The following NCOA7 variants were observed in gnomAD, a reference collection of about 807,000 sequenced individuals.
NCOA7 encodes the protein 140 kDa estrogen receptor-associated protein.
A neutral mutation model predicts 104.3 loss-of-function variants in NCOA7; 45 were observed. The ratio of observed to expected loss-of-function variants is 0.43; its 90% CI spans 0.34 to 0.55. NCOA7 has a LOEUF of 0.55. Ranked by LOEUF, NCOA7 falls within the 20% of genes least tolerant of loss-of-function variation. The pLI, the probability that NCOA7 is intolerant of heterozygous loss-of-function variation, is 0.02. For missense variants in NCOA7, 1,041 were observed against 1,119.7 expected (o/e 0.93, Z 1.00); for synonymous variants, 398 against 402.3 (o/e 0.99, Z 0.13).
At chr6:125,856,241 TGTG>T (rs1004773469) in intron 3 of NCOA7, among the ~76,000 whole-genome samples, 94 of 152,066 alleles carry the variant, frequency 6.2e-4, no homozygotes, top group African/African-American at 2.2e-3. Flanking sequence ...GTAAATGAAA[TGTG>T]GTCTCATAGC....
chr6:125,897,888 AG>A (rs1785173183), intron 10 of NCOA7, among the ~76,000 whole-genome samples: 1 of 152,206 alleles, frequency 6.6e-6, no homozygotes, highest in South Asian at 2.1e-4. Flanking sequence ...CATTTTAGCC[AG>A]GCTGGTCTCA....
intron 3 of NCOA7, among the ~76,000 whole-genome samples, chr6:125,860,050 C>T (rs559980941): frequency 2.0e-5 from 3 of 152,138 alleles, no homozygotes; most frequent in Admixed American, 6.5e-5. Flanking sequence ...CAACACCTAG[C>T]GCAGCACCTG....
intron 3 of NCOA7, among the ~76,000 whole-genome samples, chr6:125,868,381 T>C (rs1327729749): frequency 2.0e-5 from 3 of 152,268 alleles, no homozygotes; most frequent in African/African-American, 7.2e-5. Flanking sequence ...ATAGCATTTG[T>C]TAAGCATGTG....
Position 125,785,241 on chromosome 6 carries a change from G to A in NCOA7, c.-141-896G>A, listed in dbSNP as rs1312091680. Among the ~76,000 whole-genome samples the A allele has an allele frequency of 4.6e-5, 7 of 152,182 alleles. No homozygotes were observed. The East Asian group carries it at 1.3e-3, about 29-fold the overall frequency. ...TAATCGCAGCTACTCGGGAAGCTAAGGCAGGAGAATTGCTCAAACCCAGGA... is the reference window on the plus strand; with the variant it reads ...TAATCGCAGCTACTCGGGAAGCTAAAGCAGGAGAATTGCTCAAACCCAGGA... On this transcript the variant is annotated intron_variant, in intron 1 of 16. Transcript: ENST00000368357.
intron 13 of NCOA7, among the ~76,000 whole-genome samples, chr6:125,924,589 A>C (rs1204273043): frequency 6.6e-6 from 1 of 152,242 alleles, no homozygotes; most frequent in East Asian, 1.9e-4. Flanking sequence ...GCTCTGCAGA[A>C]TCAGTCCCCA....
At chr6:125,912,097 G>C (rs1426394924) in intron 10 of NCOA7, among the ~76,000 whole-genome samples, 1 of 152,166 alleles carries the variant, frequency 6.6e-6, no homozygotes, top group Non-Finnish European at 1.5e-5. Flanking sequence ...AAAGCAAATC[G>C]AGGCTTTTCA....
chr6:125,789,312 C>T (rs952549273), upstream of NCOA7, among the ~76,000 whole-genome samples: 4 of 152,176 alleles, frequency 2.6e-5, no homozygotes, highest in Non-Finnish European at 1.5e-5. Context: ...GGCCTCACAC[C>T]CAACCTTCAA....
intron 2 of NCOA7, among the ~76,000 whole-genome samples, chr6:125,852,630 A>G (rs1384920367): frequency 2.6e-5 from 4 of 152,136 alleles, no homozygotes; most frequent in African/African-American, 9.7e-5. Flanking sequence ...GCATATAGCT[A>G]TTCAGTTTTT....
chr6:125,817,451 C>T (rs564145178), intron 2 of NCOA7, among the ~76,000 whole-genome samples: 23 of 152,194 alleles, frequency 1.5e-4, no homozygotes, highest in African/African-American at 5.5e-4. Context: ...TTATTTTTAT[C>T]TTAGCTATTC....
chr6:125,795,698 A>G (rs566462642), intron 1 of NCOA7, among the ~76,000 whole-genome samples: 7 of 152,222 alleles, frequency 4.6e-5, no homozygotes, highest in African/African-American at 1.4e-4. Flanking sequence ...GACCCTGTAA[A>G]ACATTTCCAT....
At position 125,930,770 on chromosome 6, in the gene NCOA7, T is replaced by A. The variant is rs1397797445; in HGVS notation, c.*1999T>A. On this transcript the variant is annotated 3_prime_UTR_variant, in exon 16 of 16. Transcript: ENST00000392477. ...AGTTCTCCTACTGAGGACTCTTGACTAACAGCATACTGGCAGTTTCACCTT... is the reference window on the plus strand; with the variant it reads ...AGTTCTCCTACTGAGGACTCTTGACAAACAGCATACTGGCAGTTTCACCTT... The A allele has an allele frequency of 6.6e-6, 1 of 152,304 alleles. No homozygotes were observed. The highest frequency in any genetic ancestry group is 1.5e-5 in the Non-Finnish European group (1 of 68,040). 9.4% of individuals were successfully genotyped at this position (152,304 alleles called of 1,614,324 possible).
chr6:125,826,315 A>G (rs1250733189), intron 2 of NCOA7, among the ~76,000 whole-genome samples: 1 of 151,052 alleles, frequency 6.6e-6, no homozygotes, highest in Non-Finnish European at 1.5e-5. Context: ...TGGGTGACAG[A>G]GCAAGACTCC....
Position 125,865,695 on chromosome 6 carries a change from T to G in NCOA7, c.272-9194T>G, listed in dbSNP as rs1236648232. On this transcript the variant is annotated intron_variant, in intron 3 of 15. Transcript: ENST00000392477. ...GTTTTTTAAAGACAGGGTCTCTCTC[T>G]CTCTGTTGTCCAGGCTGGAGTGTAG... Among the ~76,000 whole-genome samples, 8 of 136,882 alleles carry G rather than the reference T, an allele frequency of 5.8e-5. 2 individuals are homozygous for G. Among genetic ancestry groups the G allele is most frequent in the African/African-American group, 2.5e-4 (8 of 32,632 alleles). The allele number at this position is 136,882 out of a possible 152,430, so 89.8% of individuals were successfully genotyped here.
At chr6:125,861,702 G>T (rs1782062312) in intron 3 of NCOA7, among the ~76,000 whole-genome samples, 1 of 152,148 alleles carries the variant, frequency 6.6e-6, no homozygotes, top group Admixed American at 6.6e-5. Context: ...CAAACCTGAG[G>T]TGTGCCCCCA....
At chr6:125,919,879 G>C (rs1787421579) in intron 11 of NCOA7, among the ~76,000 whole-genome samples, 2 of 152,184 alleles carry the variant, frequency 1.3e-5, no homozygotes, top group African/African-American at 4.8e-5. Flanking sequence ...ACTACTGCCT[G>C]ACAACTTGCA....
Position 125,889,646 on chromosome 6 carries a change from A to G in NCOA7, c.1592A>G (p.Lys531Arg), listed in dbSNP as rs1247060202. Residue 531 changes from lysine (K) to arginine (R), a missense_variant, in exon 9 of 16, where the codon AAA becomes AGA. Around this residue, in one of 2 missense-constraint regions of NCOA7, gnomAD observed 914 missense variants for 942.7 expected, o/e 0.97. Transcript: ENST00000392477. ...ATTGAATATTACCTGACTAAGAACA[A>G]AGAAGGGCCACAGGTATCTGAAAAT... is the stretch of plus-strand genomic sequence containing the variant. The part of the protein sequence containing the change: ...KLIEYYLTKN[K>R]EGPQVSENLQ... The G allele has an allele frequency of 3.1e-6, 5 of 1,613,920 alleles. No homozygotes were observed. Among genetic ancestry groups the G allele is most frequent in the Middle Eastern group, 1.6e-4 (1 of 6,080 alleles).
At chr6:125,912,802 A>T (rs1042687481) in intron 10 of NCOA7, among the ~76,000 whole-genome samples, 1 of 152,196 alleles carries the variant, frequency 6.6e-6, no homozygotes, top group Non-Finnish European at 1.5e-5. Context: ...TTTTCCCAAC[A>T]AATAATAATA....
intron 3 of NCOA7, among the ~76,000 whole-genome samples, chr6:125,869,979 A>T (rs576136451): frequency 6.6e-6 from 1 of 152,370 alleles, no homozygotes; most frequent in African/African-American, 2.4e-5. Context: ...AAACTAGTTC[A>T]TCATGCCATT....
rs746548680 is a variant in NCOA7 at position 125,855,323 on chromosome 6, A to G, written c.271+83A>G. The G allele has an allele frequency of 6.7e-5, 74 of 1,103,228 alleles. No individual in the cohort carries two copies. In the Admixed American group the frequency reaches 1.5e-3, roughly 22 times the overall value. The allele number at this position is 1,103,228 out of a possible 1,614,324, so 68.3% of individuals were successfully genotyped here. On this transcript the variant is annotated intron_variant, in intron 3 of 15. Transcript: ENST00000392477. ...AAAAGACTATCATTTGTGATTGATCATAATAATGGTAACAGTTTATGGAGC... is the reference window on the plus strand; with the variant it reads ...AAAAGACTATCATTTGTGATTGATCGTAATAATGGTAACAGTTTATGGAGC...
Sources: allele counts gnomAD v4.1 joint callset (sites outside exome capture counted in the v4.1 genomes callset), GRCh38; gene constraint gnomAD v4.1.1; regional missense constraint gnomAD v4.1.1; transcripts MANE v1.5; gene names NCBI Gene and HGNC (gene_info 2026-07-23, HGNC 2026-07-21).